ADAM19: variants seen among roughly 807,000 people sequenced by gnomAD.
The protein encoded by ADAM19 is disintegrin and metalloproteinase domain-containing protein 19.
A neutral mutation model predicts 114.7 loss-of-function variants in ADAM19; 65 were observed. The ratio of observed to expected loss-of-function variants is 0.57; its 90% CI spans 0.46 to 0.70. The LOEUF (loss-of-function observed/expected upper bound fraction) is 0.70, where lower values mean the gene tolerates loss of function less well. ADAM19 is among the 30% of genes least tolerant of loss of function. The pLI is 0.00. For synonymous variants in ADAM19, 466 were observed against 460.5 expected (o/e 1.01, Z -0.15); for missense variants, 1,063 against 1,204.7 (o/e 0.88, Z 1.74).
intron 7 of ADAM19, among the ~76,000 whole-genome samples, chr5:157,518,266 G>A (rs182721775): frequency 6.7e-6 from 1 of 148,388 alleles, no homozygotes; most frequent in African/African-American, 2.5e-5. Flanking sequence ...GATTTTCTAT[G>A]TGACTGATGT....
At chr5:157,532,839 C>G (rs1305642213) in intron 4 of ADAM19, among the ~76,000 whole-genome samples, 1 of 152,212 alleles carries the variant, frequency 6.6e-6, no homozygotes, top group Non-Finnish European at 1.5e-5. Flanking sequence ...TTTGGCATAG[C>G]CAGGCATATT....
intron 7 of ADAM19, among the ~76,000 whole-genome samples, chr5:157,517,125 T>C (rs934124263): frequency 1.1e-4 from 17 of 152,212 alleles, no homozygotes; most frequent in African/African-American, 3.9e-4. Context: ...GCCACCTCCT[T>C]CTGCTGCTAA....
At chr5:157,540,004 G>T (rs929772866) in intron 3 of ADAM19, among the ~76,000 whole-genome samples, 1 of 152,206 alleles carries the variant, frequency 6.6e-6, no homozygotes, top group African/African-American at 2.4e-5. Flanking sequence ...CTCTACGGCC[G>T]TGAACAAGTA....
intron 10 of ADAM19, 72 bp from the exon 11 acceptor site, chr5:157,505,880 C>T (rs1755727650): frequency 2.0e-6 from 3 of 1,530,826 alleles, no homozygotes; most frequent in South Asian, 2.5e-5. Context: ...CCTGCCTTAT[C>T]CTTAGCCAAG....
At chr5:157,538,570 G>C (rs1756830045) in intron 3 of ADAM19, among the ~76,000 whole-genome samples, 1 of 152,200 alleles carries the variant, frequency 6.6e-6, no homozygotes, top group South Asian at 2.1e-4. Flanking sequence ...CCTGCTACAA[G>C]GGTTCCCTAA....
At chr5:157,567,971 A>T (rs1228749359) in intron 2 of ADAM19, 1 of 151,806 alleles carries the variant, frequency 6.6e-6, no homozygotes, top group African/African-American at 2.4e-5. Context: ...CTGCAGCAGG[A>T]ATAGTAATCT....
intron 16 of ADAM19, 144 bp downstream of exon 16, chr5:157,492,829 A>T (rs1755220152): frequency 1.3e-6 from 1 of 789,128 alleles, no homozygotes; most frequent in Non-Finnish European, 2.1e-6. Context: ...GCCTGCTGTC[A>T]CTATACACGC....
chr5:157,506,819 T>C (rs1755756032), intron 10 of ADAM19, among the ~76,000 whole-genome samples: 1 of 152,192 alleles, frequency 6.6e-6, no homozygotes, highest in Non-Finnish European at 1.5e-5. Flanking sequence ...ATGCATGTAA[T>C]CTCTTCAGGG....
rs534745939 is a variant in ADAM19, at chr5:157,477,669, G to A, written c.*3280C>T. The A allele has an allele frequency of 4.6e-5, 59 of 1,289,656 alleles. No individual in the cohort carries two copies. The South Asian group carries it at 4.7e-4, about 10-fold the overall frequency. 79.9% of individuals were successfully genotyped at this position (1,289,656 alleles called of 1,614,324 possible). A position where few individuals can be genotyped will look rare whatever the true frequency, so the allele number is the denominator to read the frequency against. ...GGTGTCCAGCAGAGCTGTTATACAC[G>A]TGGTTAACACAATTACTGACTTTGG... On this transcript the variant is annotated 3_prime_UTR_variant, in exon 23 of 23. Coordinates refer to ENST00000257527, the MANE Select transcript of ADAM19 (RefSeq NM_033274.5).
At chr5:157,560,691 T>C (rs375934919) in intron 3 of ADAM19, among the ~76,000 whole-genome samples, 17 of 152,232 alleles carry the variant, frequency 1.1e-4, no homozygotes, top group African/African-American at 4.1e-4. Flanking sequence ...TATGTGATTG[T>C]GTCTGTGAGG....
intron 4 of ADAM19, among the ~76,000 whole-genome samples, chr5:157,535,511 T>G (rs558756877): frequency 6.6e-6 from 1 of 152,288 alleles, no homozygotes; most frequent in African/African-American, 2.4e-5. Context: ...GGGTGGGAGC[T>G]TTGCAAGAGT....
chr5:157,521,610 G>T (rs1046361688), intron 5 of ADAM19, among the ~76,000 whole-genome samples: 2 of 152,110 alleles, frequency 1.3e-5, no homozygotes, highest in African/African-American at 4.8e-5. Flanking sequence ...CCAGATCCAG[G>T]AAGCCTGATG....
intron 5 of ADAM19, among the ~76,000 whole-genome samples, chr5:157,530,544 T>C (rs976198971): frequency 6.6e-6 from 1 of 152,196 alleles, no homozygotes; most frequent in African/African-American, 2.4e-5. Flanking sequence ...CATCTCCTGA[T>C]TTTTTGGCCT....
chr5:157,480,620 C>T lies in ADAM19; in HGVS notation c.*329G>A. The T allele has an allele frequency of 1.7e-6, 2 of 1,149,204 alleles. No individual in the cohort carries two copies. The highest frequency in any genetic ancestry group is 2.1e-6 in the Non-Finnish European group (2 of 930,334). The allele number at this position is 1,149,204 out of a possible 1,614,324, so 71.2% of individuals were successfully genotyped here. A position where few individuals can be genotyped will look rare whatever the true frequency, so the allele number is the denominator to read the frequency against. ...GCGAAGTGCTGGCCTGAGGGGCTTG[C>T]TGGCCTTGAGCATCTCCATCAGCAC... On this transcript the variant is annotated 3_prime_UTR_variant, in exon 23 of 23. Transcript: ENST00000257527.
chr5:157,543,742 C>T (rs192439072), intron 3 of ADAM19, among the ~76,000 whole-genome samples: 40 of 151,992 alleles, frequency 2.6e-4, no homozygotes, highest in Middle Eastern at 3.4e-3. Flanking sequence ...CTAGGTGATA[C>T]GGTGCAAGTC....
At chr5:157,567,948 A>G (rs891205324) in intron 2 of ADAM19, 1 of 151,946 alleles carries the variant, frequency 6.6e-6, no homozygotes, top group African/African-American at 2.4e-5. Flanking sequence ...CCCCTCCCCC[A>G]AAGAGACACA....
At chr5:157,537,770 T>C (rs1250853598) in intron 4 of ADAM19, 143 bp downstream of exon 4, 3 of 647,264 alleles carry the variant, frequency 4.6e-6, no homozygotes, top group Non-Finnish European at 7.9e-6. Context: ...CATGTTTTGC[T>C]TCTCGTTTGC....
chr5:157,547,075 G>A (rs1438903722), intron 3 of ADAM19, among the ~76,000 whole-genome samples: 5 of 152,184 alleles, frequency 3.3e-5, no homozygotes, highest in Non-Finnish European at 7.3e-5. Context: ...CTTCTGCTGG[G>A]CCTGTCAGCG....
chr5:157,481,740 CT>C, intron 22 of ADAM19, 50 bp downstream of exon 22: 4 of 1,552,786 alleles, frequency 2.6e-6, no homozygotes, highest in Non-Finnish European at 2.6e-6. Flanking sequence ...ACCTGCCCCC[CT>C]GGAGCCCTCT....
Sources: gnomAD v4.1 joint callset for allele counts (sites outside exome capture counted in the v4.1 genomes callset) on GRCh38, gnomAD v4.1.1 for gene constraint, MANE v1.5 for transcripts, NCBI Gene and HGNC (gene_info 2026-07-23, HGNC 2026-07-21) for gene names.